Variants in MED26 observed in about 807,000 individuals in gnomAD.
MED26 encodes mediator of RNA polymerase II transcription subunit 26.
In MED26, 7 loss-of-function variants were observed where a neutral mutation model predicts 43.7. The observed-to-expected ratio is 0.16, with a 90% CI of 0.09 to 0.30. The LOEUF (loss-of-function observed/expected upper bound fraction) is 0.30, where lower values mean the gene tolerates loss of function less well. MED26 is among the 10% of genes least tolerant of loss of function. The probability of loss-of-function intolerance (pLI) is 1.00; values close to 1 mark genes in which losing one functional copy is unlikely to be tolerated. For missense variants in MED26, 784 were observed against 840.6 expected, an observed-to-expected ratio of 0.93 and a Z score of 0.83; for synonymous variants, 375 against 371.1, an observed-to-expected ratio of 1.01 and a Z score of -0.12.
In MED26 at chr19:16,577,707, A is replaced by C; in HGVS notation, c.148-25T>G. 9 of 1,530,730 alleles carry C rather than the reference A, an allele frequency of 5.9e-6. No homozygotes were observed. Among genetic ancestry groups the C allele is most frequent in the Non-Finnish European group, 7.9e-6 (9 of 1,132,776 alleles). The allele number at this position is 1,530,730 out of a possible 1,614,324, so 94.8% of individuals were successfully genotyped here. On this transcript the variant is annotated intron_variant, in intron 2 of 2. Transcript: ENST00000263390. The surrounding 1 kb of genome is among the most constrained non-coding windows in gnomAD (Gnocchi z 8.1). ...CCTACAACCAGAGGGAGATGATGAC[A>C]TACTTTCGGGACAGGAACTTCTCCA... is the stretch of plus-strand genomic sequence containing the variant.
intron 1 of MED26, among the ~76,000 whole-genome samples, chr19:16,602,502 A>G (rs1178098884): frequency 6.6e-6 from 1 of 152,226 alleles, no homozygotes; most frequent in Non-Finnish European, 1.5e-5. Flanking sequence ...TATGTACCCA[A>G]AAGAACCGAA....
At chr19:16,583,222 T>C (rs186736526) in intron 1 of MED26, among the ~76,000 whole-genome samples, 7 of 152,352 alleles carry the variant, frequency 4.6e-5, no homozygotes, top group African/African-American at 1.4e-4. Context: ...CCCTCCTCCT[T>C]TGGATTCTCC....
intron 1 of MED26, among the ~76,000 whole-genome samples, chr19:16,613,342 C>T (rs1415608701): frequency 6.6e-6 from 1 of 152,160 alleles, no homozygotes; most frequent in Non-Finnish European, 1.5e-5. Flanking sequence ...CCTCCCTTCT[C>T]CACAAGAAAA....
chr19:16,607,544 G>A (rs936664402), intron 1 of MED26, among the ~76,000 whole-genome samples: 2 of 152,178 alleles, frequency 1.3e-5, no homozygotes, highest in Non-Finnish European at 2.9e-5. Context: ...TGTGATTAAT[G>A]TGAGTTGAAG....
At chr19:16,592,459 G>A (rs758310984) in intron 1 of MED26, among the ~76,000 whole-genome samples, 5 of 152,218 alleles carry the variant, frequency 3.3e-5, no homozygotes, top group Non-Finnish European at 7.4e-5. Flanking sequence ...GGGACGTACC[G>A]CCACCAACCA....
intron 1 of MED26, among the ~76,000 whole-genome samples, chr19:16,605,050 G>C (rs899096437): frequency 2.6e-5 from 4 of 152,198 alleles, no homozygotes; most frequent in African/African-American, 9.7e-5. Context: ...CCCCTCAGTG[G>C]GGGGAGGGAG....
rs140478206 is a variant in MED26, at chr19:16,586,039, TC to T, written c.73-7631del. ...TCCCAGCAGCCCCTTGGCTTGCCTC[TC>T]CATTTTCTCCACATCTGAACTGTTC... On this transcript the variant is annotated intron_variant, in intron 1 of 2. Transcript: ENST00000263390. The surrounding 1 kb of genome is among the most constrained non-coding windows in gnomAD (Gnocchi z 5.1). Among the ~76,000 whole-genome samples, 1 of 152,354 alleles carries T rather than the reference TC, an allele frequency of 6.6e-6. No homozygotes were observed. The highest frequency in any genetic ancestry group is 1.5e-5 in the Non-Finnish European group (1 of 68,032).
chr19:16,609,941 TAAAAAAAA>T (rs869040520), intron 1 of MED26, among the ~76,000 whole-genome samples: 4 of 84,672 alleles, frequency 4.7e-5, no homozygotes, highest in African/African-American at 1.4e-4. Context: ...AAGCACTCTT[TAAAAAAAA>T]AAAAAAAAAA....
At position 16,601,523 on chromosome 19, in the gene MED26, G is replaced by A. The variant is rs140492179; in HGVS notation, c.73-23114C>T. On this transcript the variant is annotated intron_variant, in intron 1 of 2. Transcript: ENST00000263390. ...CAACACACAGATAAAGCACGCCTGT[G>A]GCCTTGAAGGTGCTCCTGGCCTGGC... Among the ~76,000 whole-genome samples, 320 of 152,336 alleles carry A rather than the reference G, an allele frequency of 2.1e-3. 1 individual carries two copies. The highest frequency in any genetic ancestry group is 7.5e-3 in the African/African-American group (313 of 41,582).
At chr19:16,618,698 C>T (rs1020585810) in intron 1 of MED26, among the ~76,000 whole-genome samples, 2 of 152,336 alleles carry the variant, frequency 1.3e-5, no homozygotes, top group Middle Eastern at 3.4e-3. Context: ...ATCCACTATT[C>T]TTCTCCCGTT....
chr19:16,614,419 C>T (rs767883815), intron 1 of MED26, among the ~76,000 whole-genome samples: 6 of 152,116 alleles, frequency 3.9e-5, no homozygotes, highest in African/African-American at 7.2e-5. Context: ...GTCTTAGCTA[C>T]TCAGAAGGCT....
At chr19:16,624,342 C>T (rs1478379775) in intron 1 of MED26, 1 of 152,154 alleles carries the variant, frequency 6.6e-6, no homozygotes, top group Non-Finnish European at 1.5e-5. Context: ...CCTCGGTCAC[C>T]TCTCCCTTGG....
intron 1 of MED26, among the ~76,000 whole-genome samples, chr19:16,617,922 G>T (rs12463196): frequency 0.09 from 13,630 of 152,146 alleles, 704 homozygotes; most frequent in African/African-American, 0.12. Flanking sequence ...TTTCCGTCAC[G>T]GCCAGGCAAA....
intron 1 of MED26, among the ~76,000 whole-genome samples, chr19:16,613,018 T>G (rs979280443): frequency 6.6e-6 from 1 of 152,114 alleles, no homozygotes; most frequent in Non-Finnish European, 1.5e-5. Context: ...AGAAGGGGCT[T>G]ATACATGTTT....
intron 1 of MED26, among the ~76,000 whole-genome samples, chr19:16,592,802 G>T (rs920978536): frequency 6.6e-6 from 1 of 152,228 alleles, no homozygotes; most frequent in Non-Finnish European, 1.5e-5. Flanking sequence ...TGCAACTGGG[G>T]ACATTTTCTA....
chr19:16,617,350 C>T (rs1389682168), intron 1 of MED26, among the ~76,000 whole-genome samples: 1 of 152,172 alleles, frequency 6.6e-6, no homozygotes, highest in African/African-American at 2.4e-5. Flanking sequence ...AGGTCCTGCT[C>T]CTTCGGAAAC....
rs531092017 is a variant in MED26, at chr19:16,623,878, C to T, written c.72+3994G>A. Among the ~76,000 whole-genome samples, 29 of 152,148 alleles carry T rather than the reference C, an allele frequency of 1.9e-4. No individual in the cohort carries two copies. The South Asian group carries it at 4.1e-3, about 22-fold the overall frequency. On this transcript the variant is annotated intron_variant, in intron 1 of 2. Coordinates refer to ENST00000263390, the MANE Select transcript of MED26 (RefSeq NM_004831.5). ...CACCTCCCATTAAGTCAGTAAGAAA[C>T]AAAAGCATTTTATCCTCTGCTTGCC...
chr19:16,622,030 C>T (rs1412565820), intron 1 of MED26, among the ~76,000 whole-genome samples: 1 of 152,146 alleles, frequency 6.6e-6, no homozygotes, highest in Non-Finnish European at 1.5e-5. Context: ...AATAATTTGC[C>T]GACTGTTCCT....
Position 16,577,197 on chromosome 19 carries a change from A to G in MED26, c.633T>C (p.Arg211=). 6.2e-7 allele frequency: 1 copy of G among 1,613,210 alleles called. No individual in the cohort carries two copies. The highest frequency in any genetic ancestry group is 1.7e-5 in the Admixed American group (1 of 60,028). Residue 211 remains arginine, a synonymous_variant, in exon 3 of 3, where the codon CGT becomes CGC. Coordinates refer to ENST00000263390, the MANE Select transcript of MED26 (RefSeq NM_004831.5). This position sits in a 1 kb window ranked among gnomAD's most constrained non-coding sequence, Gnocchi z 8.1. Reference sequence around the variant, plus strand: ...TGCCACTGTGCTTGTCATTCTCGTCACGCTCCAGGCGGCTGCCCTCTGGGC... The same window carrying G: ...TGCCACTGTGCTTGTCATTCTCGTCGCGCTCCAGGCGGCTGCCCTCTGGGC... ...HAGPEGSRLE[R]DENDKHSGKI...
Sources: allele counts gnomAD v4.1 joint callset (sites outside exome capture counted in the v4.1 genomes callset), GRCh38; gene constraint gnomAD v4.1.1; non-coding constraint Gnocchi (gnomAD v3.1); transcripts MANE v1.5; gene names NCBI Gene and HGNC (gene_info 2026-07-23, HGNC 2026-07-21).